The following MYO19 variants were observed in gnomAD, a reference collection of about 807,000 sequenced individuals.
The protein encoded by MYO19 is unconventional myosin-XIX.
Under a neutral mutation model 129.2 loss-of-function variants are expected in MYO19, and 132 were observed. The ratio of observed to expected loss-of-function variants is 1.02; its 90% CI spans 0.89 to 1.18. MYO19 has a LOEUF of 1.18. MYO19 is among the 50% of genes most tolerant of loss of function. MYO19 has a pLI of 0.00. For synonymous variants in MYO19, 531 were observed against 477.2 expected (o/e 1.11, Z -1.47); for missense variants, 1,210 against 1,216.7 (o/e 0.99, Z 0.08).
intron 23 of MYO19, chr17:36,499,594 A>G (rs2071320612): frequency 6.6e-6 from 1 of 151,842 alleles, no homozygotes; most frequent in Non-Finnish European, 1.5e-5. Flanking sequence ...AAACACTGAT[A>G]CAATTAATAG....
intron 6 of MYO19, among the ~76,000 whole-genome samples, chr17:36,522,164 T>C (rs190094052): frequency 1.3e-5 from 2 of 152,242 alleles, no homozygotes; most frequent in African/African-American, 4.8e-5. Flanking sequence ...AATAGACATT[T>C]TCAGATGTGC....
chr17:36,515,034 C>A, intron 8 of MYO19, 79 bp downstream of exon 8: 1 of 1,392,266 alleles, frequency 7.2e-7, no homozygotes, highest in South Asian at 1.3e-5. Context: ...TAGGGGTGGC[C>A]CAGGCCAGAT....
intron 21 of MYO19, chr17:36,501,515 G>A (rs2071531440): frequency 3.1e-6 from 1 of 325,552 alleles, no homozygotes; most frequent in Non-Finnish European, 5.6e-6. Context: ...CTTTGGGCAG[G>A]CTGGCAGAGG....
upstream of MYO19, among the ~76,000 whole-genome samples, chr17:36,539,541 A>T (rs1473486605): frequency 6.6e-6 from 1 of 152,046 alleles, no homozygotes; most frequent in African/African-American, 2.4e-5. Flanking sequence ...TGGGAGGCTG[A>T]GGTGGGAGGA....
chr17:36,506,502 G>A lies in MYO19; in HGVS notation c.1751C>T (p.Pro584Leu), dbSNP rs1361062954. ...NPKEKTQEEPPGQSRAPVLTV... is the reference protein window; with the variant it reads ...NPKEKTQEEPLGQSRAPVLTV... Reference sequence around the variant, plus strand: ...CAACACAGGGGCCCTGCTCTGGCCAGGGGGTTCCTCCTGGGTCTTCTCTTT... The same window carrying A: ...CAACACAGGGGCCCTGCTCTGGCCAAGGGGTTCCTCCTGGGTCTTCTCTTT... The change falls in exon 18 of 26, where the codon CCT becomes CTT. Residue 584 changes from proline (P) to leucine (L), a missense_variant. Coordinates refer to ENST00000614623, the MANE Select transcript of MYO19 (RefSeq NM_001163735.2). 2 of 1,610,996 alleles carry A rather than the reference G, an allele frequency of 1.2e-6. No individual in the cohort carries two copies. The highest frequency in any genetic ancestry group is 2.2e-5 in the East Asian group (1 of 44,808).
At position 36,507,848 on chromosome 17, in the gene MYO19, C is replaced by T; in HGVS notation, c.1308G>A (p.Glu436=). 1 of 1,613,696 alleles carries T rather than the reference C, an allele frequency of 6.2e-7. No homozygotes were observed. The highest frequency in any genetic ancestry group is 1.1e-5 in the South Asian group (1 of 91,056). ...GAGCCACAAAATGCTGCTGCAGCTT[C>T]TCATTGGCGTAGTTGATGCACAACT... ...LEQLCINYAN[E]KLQQHFVAHY... Residue 436 remains glutamate (E), a synonymous_variant, in exon 15 of 26, where the codon GAG becomes GAA. Coordinates refer to ENST00000614623, the MANE Select transcript of MYO19 (RefSeq NM_001163735.2).
Position 36,528,212 on chromosome 17 carries a change from A to G in MYO19, c.13-10T>C, listed in dbSNP as rs1244409737. On this transcript the variant is annotated splice_polypyrimidine_tract_variant and intron_variant, in intron 3 of 25. Transcript: ENST00000614623. ...GATTGTGGCCATTGACCTGGAAGAG[A>G]TAACGTGAAGGTGAGGCCAGGCACA... The G allele has an allele frequency of 1.3e-6, 2 of 1,563,346 alleles. No individual in the cohort carries two copies. The highest frequency in any genetic ancestry group is 1.7e-6 in the Non-Finnish European group (2 of 1,153,284).
chr17:36,500,665 T>C, intron 23 of MYO19, 165 bp downstream of exon 23: 1 of 982,704 alleles, frequency 1.0e-6, no homozygotes, highest in South Asian at 1.7e-5. Flanking sequence ...GGAGAGACGT[T>C]ATGAGTGAGG....
chr17:36,534,538 G>T (rs1291443484), intron 1 of MYO19: 1 of 152,400 alleles, frequency 6.6e-6, no homozygotes, highest in Non-Finnish European at 1.5e-5. Flanking sequence ...TGGAAAGGTG[G>T]AGGGTGATCA....
chr17:36,515,466 T>C (rs917821547), intron 7 of MYO19, among the ~76,000 whole-genome samples: 1 of 152,118 alleles, frequency 6.6e-6, no homozygotes, highest in Non-Finnish European at 1.5e-5. Context: ...CAATCAGCTG[T>C]CACTACTGAC....
At chr17:36,532,034 G>C (rs1481416935) in intron 3 of MYO19, among the ~76,000 whole-genome samples, 1 of 152,090 alleles carries the variant, frequency 6.6e-6, no homozygotes, top group Non-Finnish European at 1.5e-5. Context: ...CAGAGACATG[G>C]GGATCATGTA....
In MYO19 at chr17:36,525,246, T is replaced by G; in HGVS notation, c.396A>C (p.Gly132=). The part of the protein sequence containing the change: ...EPVNQSIVVS[G]ESGAGKTWTS... ...TTCCTACCTTTCCAGCACCACTCTC[T>G]CCACTGACAACAATAGACTGGTTGA... The change falls in exon 6 of 26, where the codon GGA becomes GGC. Residue 132 remains glycine, a synonymous_variant. Transcript: ENST00000614623. 1 of 1,613,690 alleles carries G rather than the reference T, an allele frequency of 6.2e-7. No individual in the cohort carries two copies. Among genetic ancestry groups the G allele is most frequent in the Non-Finnish European group, 8.5e-7 (1 of 1,179,654 alleles).
At chr17:36,497,230 C>T (rs1022838537) in intron 25 of MYO19, among the ~76,000 whole-genome samples, 1 of 151,112 alleles carries the variant, frequency 6.6e-6, no homozygotes, top group Non-Finnish European at 1.5e-5. Context: ...CCCAGCTATT[C>T]GGGAGGCTGA....
At chr17:36,514,339 C>T in intron 9 of MYO19, 107 bp downstream of exon 9, 6 of 745,628 alleles carry the variant, frequency 8.0e-6, no homozygotes, top group Middle Eastern at 3.3e-4. Flanking sequence ...CCATCAAAAG[C>T]TAGGTGAAGG....
intron 21 of MYO19, chr17:36,501,984 A>T (rs2071562453): frequency 6.5e-6 from 1 of 152,812 alleles, no homozygotes; most frequent in African/African-American, 2.4e-5. Context: ...GACACGGAAC[A>T]GGACAGCAAA....
intron 5 of MYO19, 102 bp downstream of exon 5, chr17:36,527,449 C>T (rs1314571617): frequency 3.7e-6 from 5 of 1,347,264 alleles, no homozygotes; most frequent in Non-Finnish European, 9.9e-7. Flanking sequence ...CTCTGAATGA[C>T]CACATTGCTG....
Position 36,495,737 on chromosome 17 carries a change from CA to C in MYO19, c.*513del, listed in dbSNP as rs1326609196. 1.6e-6 allele frequency: 2 copies of C among 1,246,006 alleles called. No individual in the cohort carries two copies. Among genetic ancestry groups the C allele is most frequent in the Non-Finnish European group, 2.0e-6 (2 of 996,402 alleles). The allele number at this position is 1,246,006 out of a possible 1,614,324, so 77.2% of individuals were successfully genotyped here. On this transcript the variant is annotated 3_prime_UTR_variant, in exon 26 of 26. Coordinates refer to ENST00000614623, the MANE Select transcript of MYO19 (RefSeq NM_001163735.2). ...TAAACTTGGTCAGTGTTAATAAAAT[CA>C]AAACGTGATTCTACTGTACATTGCA...
At chr17:36,518,320 C>T (rs2072891010) in intron 6 of MYO19, among the ~76,000 whole-genome samples, 1 of 150,208 alleles carries the variant, frequency 6.7e-6, no homozygotes. Context: ...ACTAAAAATA[C>T]ATAGTCTCTA....
At position 36,507,869 on chromosome 17, in the gene MYO19, C is replaced by T; in HGVS notation, c.1287G>A (p.Leu429=). 1.2e-6 allele frequency: 2 copies of T among 1,613,656 alleles called. No homozygotes were observed. The highest frequency in any genetic ancestry group is 1.7e-6 in the Non-Finnish European group (2 of 1,179,690). ...ESFPDNSLEQ[L]CINYANEKLQ... is the part of the protein sequence containing the mutation. ...GCTTCTCATTGGCGTAGTTGATGCA[C>T]AACTGTTCCAGACTGTTGTCAGGAA... The change falls in exon 15 of 26, where the codon TTG becomes TTA. Residue 429 remains leucine (L), a synonymous_variant. Coordinates refer to ENST00000614623, the MANE Select transcript of MYO19 (RefSeq NM_001163735.2).
Sources: gnomAD v4.1 joint callset for allele counts (sites outside exome capture counted in the v4.1 genomes callset) on GRCh38, gnomAD v4.1.1 for gene constraint, MANE v1.5 for transcripts, NCBI Gene and HGNC (gene_info 2026-07-23, HGNC 2026-07-21) for gene names.